FAM20C: variants seen among roughly 807,000 people sequenced by gnomAD.
FAM20C encodes FAM20C golgi associated secretory pathway kinase.
In FAM20C, 40 loss-of-function variants were observed where a neutral mutation model predicts 51.5. The ratio of observed to expected loss-of-function variants is 0.78; its 90% CI spans 0.60 to 1.01. The LOEUF is 1.01. Ranked by LOEUF, FAM20C falls within the 50% of genes least tolerant of loss-of-function variation. The pLI is 0.00. For synonymous variants in FAM20C, 406 were observed against 380.6 expected (o/e 1.07, Z -0.78); for missense variants, 861 against 844.7 (o/e 1.02, Z -0.24).
intron 3 of FAM20C, chr7:227,806 A>C (rs1787503551): frequency 6.6e-6 from 1 of 152,536 alleles, no homozygotes; most frequent in African/African-American, 2.4e-5. Context: ...TAAAGTCTAA[A>C]CCATCGCAAT....
At chr7:242,316 T>C (rs894867128) in intron 3 of FAM20C, among the ~76,000 whole-genome samples, 5 of 152,272 alleles carry the variant, frequency 3.3e-5, no homozygotes, top group Non-Finnish European at 7.4e-5. Flanking sequence ...TGTCTGTGGG[T>C]CCGGGGACGC....
intron 8 of FAM20C, 199 bp downstream of exon 8, chr7:257,285 G>C (rs1481887363): frequency 6.7e-6 from 4 of 594,112 alleles, no homozygotes; most frequent in Non-Finnish European, 8.9e-6. Context: ...CCGGGAGTGG[G>C]ACCTCCGAGG....
chr7:194,335 G>C (rs558788813), intron 1 of FAM20C, among the ~76,000 whole-genome samples: 2 of 152,168 alleles, frequency 1.3e-5, no homozygotes, highest in Admixed American at 6.5e-5. Context: ...TGGCTGCAAA[G>C]AGATGATGGC....
At chr7:241,917 G>A (rs1468654487) in intron 3 of FAM20C, among the ~76,000 whole-genome samples, 1 of 152,160 alleles carries the variant, frequency 6.6e-6, no homozygotes, top group Non-Finnish European at 1.5e-5. Flanking sequence ...ATGTGCACAC[G>A]TGTTAATGTG....
At chr7:254,352 G>A (rs974634017) in intron 5 of FAM20C, among the ~76,000 whole-genome samples, 3 of 152,258 alleles carry the variant, frequency 2.0e-5, no homozygotes, top group Non-Finnish European at 4.4e-5. Flanking sequence ...TAGGAATGCT[G>A]GGACTGGGGG....
rs557090983 is a variant in FAM20C at position 209,130 on chromosome 7, G to A, written c.863+154G>A. ...CAACTCTCCCCGTCATGGCAAACGA[G>A]CAACAGAGGTGGCCTCATTTTCTCT... On this transcript the variant is annotated intron_variant, in intron 3 of 9. Coordinates refer to ENST00000313766, the MANE Select transcript of FAM20C (RefSeq NM_020223.4). Among the ~76,000 whole-genome samples the A allele has an allele frequency of 1.1e-4, 16 of 152,298 alleles. No homozygotes were observed. The South Asian group carries it at 2.5e-3, about 24-fold the overall frequency.
At chr7:219,357 C>T (rs1046945018) in intron 3 of FAM20C, among the ~76,000 whole-genome samples, 6 of 148,876 alleles carry the variant, frequency 4.0e-5, no homozygotes, top group African/African-American at 1.3e-4. Context: ...CAGCAACGCC[C>T]AGCCCAGGAC....
At chr7:257,188 A>G in intron 8 of FAM20C, 102 bp downstream of exon 8, 2 of 1,128,870 alleles carry the variant, frequency 1.8e-6, no homozygotes, top group South Asian at 2.8e-5. Flanking sequence ...CAGACCCTCC[A>G]GTGGAGGGAT....
At chr7:214,577 C>T (rs998651915) in intron 3 of FAM20C, among the ~76,000 whole-genome samples, 7 of 152,212 alleles carry the variant, frequency 4.6e-5, no homozygotes, top group East Asian at 1.9e-4. Flanking sequence ...CACAGAGCGA[C>T]GGGCCTGGCG....
chr7:215,321 G>A (rs1321755450), intron 3 of FAM20C, among the ~76,000 whole-genome samples: 2 of 4,194 alleles, frequency 4.8e-4, no homozygotes, highest in African/African-American at 2.6e-3. Context: ...GGGCTGGGTG[G>A]GGGGGGCAGG....
At chr7:226,947 G>A (rs1234492961) in intron 3 of FAM20C, among the ~76,000 whole-genome samples, 3 of 152,290 alleles carry the variant, frequency 2.0e-5, no homozygotes, top group East Asian at 3.9e-4. Flanking sequence ...TACCGATGGG[G>A]AAGCTGAGGC....
intron 3 of FAM20C, chr7:229,142 G>A (rs768560489): frequency 1.2e-4 from 39 of 314,882 alleles, no homozygotes; most frequent in Non-Finnish European, 2.0e-4. Flanking sequence ...ATGAGGTCTC[G>A]TCATAACCTT....
At chr7:249,610 C>T (rs1788317077) in intron 5 of FAM20C, among the ~76,000 whole-genome samples, 1 of 152,154 alleles carries the variant, frequency 6.6e-6, no homozygotes, top group Non-Finnish European at 1.5e-5. Flanking sequence ...CGTGGTGGCG[C>T]TTATCTGTGG....
rs1182124718 is a variant in FAM20C at position 193,815 on chromosome 7, G to T, written c.605+11G>T. 11 of 1,553,018 alleles carry T rather than the reference G, an allele frequency of 7.1e-6. No homozygotes were observed. The highest frequency in any genetic ancestry group is 9.6e-6 in the Non-Finnish European group (11 of 1,148,668). Reference sequence around the variant, plus strand: ...GGAGAACCCGGACTGGTGAGTGGGGGCTGGCAGGTGCCCACCCCCAAGGGA... The same window carrying T: ...GGAGAACCCGGACTGGTGAGTGGGGTCTGGCAGGTGCCCACCCCCAAGGGA... On this transcript the variant is annotated intron_variant, in intron 1 of 9. Coordinates refer to ENST00000313766, the MANE Select transcript of FAM20C (RefSeq NM_020223.4).
chr7:248,936 C>A (rs541484547), intron 5 of FAM20C, among the ~76,000 whole-genome samples: 1 of 152,356 alleles, frequency 6.6e-6, no homozygotes, highest in East Asian at 1.9e-4. Context: ...TCCCAACCCA[C>A]CTCCCACGCA....
At chr7:230,275 G>C (rs915797742) in intron 3 of FAM20C, among the ~76,000 whole-genome samples, 15 of 151,406 alleles carry the variant, frequency 9.9e-5, no homozygotes, top group African/African-American at 3.4e-4. Flanking sequence ...GGAGCCCCCA[G>C]AGCTGGGAGA....
chr7:229,620 C>T (rs1464368255), intron 3 of FAM20C: 1 of 152,352 alleles, frequency 6.6e-6, no homozygotes, highest in East Asian at 1.9e-4. Context: ...AACACCTACC[C>T]CACGGGGCTG....
Position 257,241 on chromosome 7 carries a change from CGGCCCCA to C in FAM20C, c.1445+163_1445+169del, listed in dbSNP as rs1293604130. On this transcript the variant is annotated intron_variant, in intron 8 of 9. Coordinates refer to ENST00000313766, the MANE Select transcript of FAM20C (RefSeq NM_020223.4). ...CCATCTCAGAGCCAGATGCAGAGGG[CGGCCCCA>C]GGCCCCAACCAGGAGGGAGGGCCGC... is the stretch of plus-strand genomic sequence containing the variant. 8.9e-6 allele frequency: 7 copies of C among 782,806 alleles called. No homozygotes were observed. In the Admixed American group the frequency reaches 2.0e-4, roughly 22 times the overall value. 48.5% of individuals were successfully genotyped at this position (782,806 alleles called of 1,614,324 possible). A position where few individuals can be genotyped will look rare whatever the true frequency, so the allele number is the denominator to read the frequency against.
chr7:230,355 T>G (rs1583317127), intron 3 of FAM20C, among the ~76,000 whole-genome samples: 1 of 91,418 alleles, frequency 1.1e-5, no homozygotes, highest in African/African-American at 4.3e-5. Context: ...CTTGCATTTC[T>G]TGTCCCCAGG....
Sources: allele counts gnomAD v4.1 joint callset (sites outside exome capture counted in the v4.1 genomes callset), GRCh38; gene constraint gnomAD v4.1.1; transcripts MANE v1.5; gene names NCBI Gene and HGNC (gene_info 2026-07-23, HGNC 2026-07-21).